PLEKHH1: variants seen among roughly 807,000 people sequenced by gnomAD.
The protein encoded by PLEKHH1 is pleckstrin homology domain-containing family H member 1.
In PLEKHH1, 104 loss-of-function variants were observed where a neutral mutation model predicts 160.0. That is an observed-to-expected ratio of 0.65 (90% CI 0.55 to 0.76). PLEKHH1 has a LOEUF of 0.76. PLEKHH1 is among the 30% of genes least tolerant of loss of function. The pLI, the probability that PLEKHH1 is intolerant of heterozygous loss-of-function variation, is 0.00. For synonymous variants in PLEKHH1, 619 were observed against 678.4 expected (o/e 0.91, Z 1.36); for missense variants, 1,427 against 1,724.1 (o/e 0.83, Z 3.05).
Position 67,578,631 on chromosome 14 carries a change from G to C in PLEKHH1, c.2849G>C (p.Arg950Thr). 6.3e-7 allele frequency: 1 copy of C among 1,594,906 alleles called. No homozygotes were observed. The change falls in exon 20 of 29, where the codon AGA (arginine) becomes ACA (threonine). Residue 950 changes from arginine to threonine, a missense_variant and splice_region_variant. By Grantham distance (71) the Arg-to-Thr change is moderately conservative. Around this residue, in one of 6 missense-constraint regions of PLEKHH1, gnomAD observed 436 missense variants for 607.5 expected, o/e 0.72. Transcript: ENST00000329153. This position sits in a 1 kb window ranked among gnomAD's most constrained non-coding sequence, Gnocchi z 5.0. Reference protein sequence around the residue: ...KQQLQRHADPRSETGQYATYC... With the variant: ...KQQLQRHADPTSETGQYATYC... ...CAGCTCCAACGCCATGCAGATCCCAGGTGAGTGAACCTGGCCGTTTCCTCT... is the reference window on the plus strand; with the variant it reads ...CAGCTCCAACGCCATGCAGATCCCACGTGAGTGAACCTGGCCGTTTCCTCT...
At position 67,578,147 on chromosome 14, in the gene PLEKHH1, A is replaced by G; in HGVS notation, c.2699A>G (p.Gln900Arg). The part of the protein sequence containing the change: ...HPELQSEIYC[Q>R]LMKQTSCRPP... ...GAGCTGCAGAGTGAGATCTACTGCC[A>G]ACTCATGAAGCAGACCAGCTGCCGC... Residue 900 changes from glutamine (Q) to arginine (R), a missense_variant, in exon 19 of 29, where the codon CAA becomes CGA. By Grantham distance (43) the Gln-to-Arg change is conservative. This residue lies in a region of PLEKHH1 where 436 missense variants were observed against 607.5 expected (regional missense o/e 0.72). Transcript: ENST00000329153. The surrounding 1 kb of genome is among the most constrained non-coding windows in gnomAD (Gnocchi z 5.0). 1 of 1,613,912 alleles carries G rather than the reference A, an allele frequency of 6.2e-7. No individual in the cohort carries two copies. The highest frequency in any genetic ancestry group is 8.5e-7 in the Non-Finnish European group (1 of 1,179,874).
chr14:67,553,052 C>A (rs987206654), intron 2 of PLEKHH1, among the ~76,000 whole-genome samples: 1 of 152,226 alleles, frequency 6.6e-6, no homozygotes, highest in African/African-American at 2.4e-5. Context: ...GAAATGCCTC[C>A]ATGAGAGGTA....
At chr14:67,553,400 C>T (rs547520555) in intron 2 of PLEKHH1, among the ~76,000 whole-genome samples, 7 of 152,092 alleles carry the variant, frequency 4.6e-5, no homozygotes, top group African/African-American at 1.7e-4. Flanking sequence ...CAAAACCCAA[C>T]TCTGTCTGGC....
chr14:67,561,077 C>G (rs1315487276), intron 5 of PLEKHH1, among the ~76,000 whole-genome samples: 1 of 152,158 alleles, frequency 6.6e-6, no homozygotes, highest in Non-Finnish European at 1.5e-5. Context: ...TGGTTCACAC[C>G]TGCAGGAGGG....
At chr14:67,577,987 G>A (rs1304124486) in intron 18 of PLEKHH1, 36 bp from the exon 19 acceptor site, 2 of 1,590,670 alleles carry the variant, frequency 1.3e-6, no homozygotes, top group Non-Finnish European at 1.7e-6. Context: ...CCCAGGGGAT[G>A]CTGGTCTGCC....
chr14:67,585,618 T>C lies in PLEKHH1; in HGVS notation c.3750T>C (p.Asn1250=). 1.3e-6 allele frequency: 2 copies of C among 1,583,226 alleles called. No individual in the cohort carries two copies. Among genetic ancestry groups the C allele is most frequent in the South Asian group, 2.3e-5 (2 of 86,448 alleles). The change falls in exon 27 of 29, where the codon AAT becomes AAC. Residue 1250 remains asparagine, a synonymous_variant. Transcript: ENST00000329153. Reference sequence around the variant, plus strand: ...ACGCTCTGGTGTGGATTGCTGTGAATGAGGATGGCGTCAGCATCCTGGACC... The same window carrying C: ...ACGCTCTGGTGTGGATTGCTGTGAACGAGGATGGCGTCAGCATCCTGGACC... ...KENALVWIAV[N]EDGVSILDHN...
rs113963936 is a variant in PLEKHH1 at position 67,561,290 on chromosome 14, G to A, written c.424-664G>A. The stretch of plus-strand genomic sequence containing the variant: ...AGGCTGGGGGCAGTGGCTCACACCT[G>A]TAGTCCCAGCAGCACTTTGGGAGAC... On this transcript the variant is annotated intron_variant, in intron 5 of 28. Coordinates refer to ENST00000329153, the MANE Select transcript of PLEKHH1 (RefSeq NM_020715.3). 7.0e-3 allele frequency among the ~76,000 whole-genome samples: 1,072 copies of A among 152,328 alleles called. 13 individuals carry two copies. Among genetic ancestry groups the A allele is most frequent in the African/African-American group, 0.024 (1,008 of 41,572 alleles).
Position 67,574,189 on chromosome 14 carries a change from G to T in PLEKHH1, c.1927-53G>T. On this transcript the variant is annotated intron_variant, in intron 13 of 28. Transcript: ENST00000329153. This position sits in a 1 kb window ranked among gnomAD's most constrained non-coding sequence, Gnocchi z 4.2. ...GGTGCCACCTCGGAGCCAGGTCCTG[G>T]TTACTCCATTCTCCCAGCGTGCTGC... 1 of 1,498,140 alleles carries T rather than the reference G, an allele frequency of 6.7e-7. No homozygotes were observed. The highest frequency in any genetic ancestry group is 2.4e-5 in the East Asian group (1 of 42,166). The allele number at this position is 1,498,140 out of a possible 1,614,324, so 92.8% of individuals were successfully genotyped here. A position where few individuals can be genotyped will look rare whatever the true frequency, so the allele number is the denominator to read the frequency against.
chr14:67,540,894 TG>T (rs377188601), intron 1 of PLEKHH1, among the ~76,000 whole-genome samples: 7 of 152,334 alleles, frequency 4.6e-5, no homozygotes, highest in African/African-American at 1.7e-4. Flanking sequence ...CTGCATCCAG[TG>T]TTTTTTCTCT....
At chr14:67,556,220 G>C (rs965139841) in intron 3 of PLEKHH1, among the ~76,000 whole-genome samples, 1 of 152,222 alleles carries the variant, frequency 6.6e-6, no homozygotes, top group Non-Finnish European at 1.5e-5. Context: ...CAGGAATCCA[G>C]GTTAAAGGAG....
At chr14:67,583,950 G>C in intron 25 of PLEKHH1, 45 bp from the exon 26 acceptor site, 1 of 1,612,670 alleles carries the variant, frequency 6.2e-7, no homozygotes, top group Non-Finnish European at 8.5e-7. Flanking sequence ...ATGAAGACAC[G>C]TCGGCACTTC....
chr14:67,575,148 T>C (rs964301061), intron 14 of PLEKHH1, among the ~76,000 whole-genome samples: 4 of 152,094 alleles, frequency 2.6e-5, no homozygotes, highest in Admixed American at 6.5e-5. Context: ...GGACATCTGA[T>C]TGGCCTGGCT....
chr14:67,565,140 G>C lies in PLEKHH1; in HGVS notation c.1263+2246G>C, dbSNP rs760083824. Among the ~76,000 whole-genome samples, 103 of 152,220 alleles carry C rather than the reference G, an allele frequency of 6.8e-4. 1 individual carries two copies. Among genetic ancestry groups the C allele is most frequent in the Non-Finnish European group, 1.1e-3 (78 of 68,042 alleles). ...GGAAGGGCTCCTTTCCTTGCAAGGA[G>C]TAAGGTGTGGTTTCTCCCTTTTACA... On this transcript the variant is annotated intron_variant, in intron 7 of 28. Coordinates refer to ENST00000329153, the MANE Select transcript of PLEKHH1 (RefSeq NM_020715.3).
rs1199015218 is a variant in PLEKHH1, at chr14:67,580,787, G to A, written c.3184-151G>A. 7 of 593,498 alleles carry A rather than the reference G, an allele frequency of 1.2e-5. No individual in the cohort carries two copies. The East Asian group carries it at 1.7e-4, about 14-fold the overall frequency. The allele number at this position is 593,498 out of a possible 1,614,324, so 36.8% of individuals were successfully genotyped here. On this transcript the variant is annotated intron_variant, in intron 22 of 28. Coordinates refer to ENST00000329153, the MANE Select transcript of PLEKHH1 (RefSeq NM_020715.3). ...GGAGCTGCTGCCACCTTGGGTCCAG[G>A]AAGCATGAAGCTCCGCAGGTCAGCC...
intron 2 of PLEKHH1, among the ~76,000 whole-genome samples, chr14:67,544,320 G>T (rs1189577051): frequency 2.0e-5 from 3 of 152,182 alleles, no homozygotes; most frequent in Admixed American, 1.3e-4. Flanking sequence ...TACTACCTGT[G>T]TGGTTTAGGA....
chr14:67,548,957 A>G (rs2034286117), intron 2 of PLEKHH1, among the ~76,000 whole-genome samples: 1 of 152,198 alleles, frequency 6.6e-6, no homozygotes, highest in African/African-American at 2.4e-5. Flanking sequence ...CAAGAGAACA[A>G]TGGATGTTGC....
chr14:67,569,839 C>A, intron 8 of PLEKHH1, 82 bp from the exon 9 acceptor site: 1 of 851,208 alleles, frequency 1.2e-6, no homozygotes, highest in Non-Finnish European at 2.0e-6. Flanking sequence ...GAGGGAATGC[C>A]ATCTGCCCAG....
intron 5 of PLEKHH1, among the ~76,000 whole-genome samples, 199 bp downstream of exon 5, chr14:67,559,890 A>T (rs936056309): frequency 3.9e-5 from 6 of 151,996 alleles, no homozygotes; most frequent in African/African-American, 1.5e-4. Context: ...GTCTCCCTGG[A>T]GCTCCTGACT....
chr14:67,572,357 C>A, intron 11 of PLEKHH1, 80 bp downstream of exon 11: 1 of 1,247,406 alleles, frequency 8.0e-7, no homozygotes, highest in Non-Finnish European at 1.1e-6. Context: ...AAGACATAGG[C>A]AGTAGCTGCC....
Sources: gnomAD v4.1 joint callset for allele counts (sites outside exome capture counted in the v4.1 genomes callset) on GRCh38, gnomAD v4.1.1 for gene constraint, gnomAD v4.1.1 regional missense constraint, Gnocchi (gnomAD v3.1) non-coding constraint, MANE v1.5 for transcripts, NCBI Gene and HGNC (gene_info 2026-07-23, HGNC 2026-07-21) for gene names.